The following MAP2K5 variants were observed in gnomAD, a reference collection of about 807,000 sequenced individuals.
MAP2K5 encodes dual specificity mitogen-activated protein kinase kinase 5.
In MAP2K5, 49 loss-of-function variants were observed where a neutral mutation model predicts 83.1. That is an observed-to-expected ratio of 0.59 (90% confidence interval 0.47 to 0.75). The LOEUF is 0.75. MAP2K5 is among the 30% of genes least tolerant of loss of function. The pLI is 0.00. For synonymous variants in MAP2K5, 202 were observed against 191.8 expected, an observed-to-expected ratio of 1.05 and a Z score of -0.44; for missense variants, 457 against 557.5, an observed-to-expected ratio of 0.82 and a Z score of 1.82.
intron 21 of MAP2K5, among the ~76,000 whole-genome samples, chr15:67,796,248 A>G (rs988614415): frequency 6.6e-6 from 1 of 151,680 alleles, no homozygotes; most frequent in African/African-American, 2.4e-5. Context: ...TTCTTTGTCC[A>G]TTGTATTGCA....
At chr15:67,762,351 C>A (rs1442428789) in intron 19 of MAP2K5, among the ~76,000 whole-genome samples, 2 of 152,016 alleles carry the variant, frequency 1.3e-5, no homozygotes, top group Non-Finnish European at 2.9e-5. Context: ...AACTGCTGTG[C>A]ACTATGGCTG....
intron 1 of MAP2K5, among the ~76,000 whole-genome samples, chr15:67,545,527 T>A (rs1302800191): frequency 6.6e-6 from 1 of 152,232 alleles, no homozygotes; most frequent in East Asian, 1.9e-4. Context: ...CCTCAAAGAC[T>A]TGGAAAGATT....
chr15:67,806,387 G>A (rs565501016), intron 21 of MAP2K5, among the ~76,000 whole-genome samples: 1 of 152,312 alleles, frequency 6.6e-6, no homozygotes, highest in African/African-American at 2.4e-5. Context: ...CCAGGCTAGT[G>A]CGAGCCTCAG....
At chr15:67,696,247 C>T (rs2088255015) in intron 15 of MAP2K5, among the ~76,000 whole-genome samples, 1 of 151,448 alleles carries the variant, frequency 6.6e-6, no homozygotes, top group African/African-American at 2.4e-5. Flanking sequence ...AGGCCAAATT[C>T]AATTTACTGG....
intron 12 of MAP2K5, among the ~76,000 whole-genome samples, chr15:67,663,465 T>C (rs1184852933): frequency 6.6e-6 from 1 of 152,216 alleles, no homozygotes; most frequent in Non-Finnish European, 1.5e-5. Context: ...TTTTTTTCAT[T>C]CAAGTTAAAT....
chr15:67,704,719 C>G (rs2088508217), intron 16 of MAP2K5, among the ~76,000 whole-genome samples: 1 of 152,190 alleles, frequency 6.6e-6, no homozygotes, highest in South Asian at 2.1e-4. Flanking sequence ...AGTCTCCCAA[C>G]AGAATCCACA....
rs1256063398 is a variant in MAP2K5, at chr15:67,664,658, C to G, written c.847+13C>G. On this transcript the variant is annotated intron_variant, in intron 13 of 21. Coordinates refer to ENST00000178640, the MANE Select transcript of MAP2K5 (RefSeq NM_145160.3). Reference sequence around the variant, plus strand: ...ATTTTACATAGAGGTATGTGCTGGGCTTATAAGCTTGGATTTAATTTGGGG... The same window carrying G: ...ATTTTACATAGAGGTATGTGCTGGGGTTATAAGCTTGGATTTAATTTGGGG... 3.8e-6 allele frequency: 6 copies of G among 1,589,400 alleles called. No homozygotes were observed. Among genetic ancestry groups the G allele is most frequent in the Non-Finnish European group, 5.2e-6 (6 of 1,159,668 alleles).
rs1050732265 is a variant in MAP2K5 at position 67,584,033 on chromosome 15, G to A, written c.323-1857G>A. On this transcript the variant is annotated intron_variant, in intron 4 of 21. Transcript: ENST00000178640. ...CCAAGTGCTGGGATGAAAGGCATGA[G>A]CCACCATGCCTGGCCATAATTCTGA... Among the ~76,000 whole-genome samples the A allele has an allele frequency of 5.3e-5, 8 of 152,240 alleles. No individual in the cohort carries two copies. In the South Asian group the frequency reaches 1.0e-3, roughly 20 times the overall value.
chr15:67,763,908 T>A (rs2089996944), intron 19 of MAP2K5, among the ~76,000 whole-genome samples: 1 of 152,172 alleles, frequency 6.6e-6, no homozygotes, highest in African/African-American at 2.4e-5. Context: ...TCCCAGTGCC[T>A]AAGAGTAGAC....
At chr15:67,550,804 C>A (rs2084494422) in intron 2 of MAP2K5, among the ~76,000 whole-genome samples, 1 of 145,920 alleles carries the variant, frequency 6.9e-6, no homozygotes, top group East Asian at 2.0e-4. Context: ...CAGACTCTCA[C>A]TGTGTTGCCC....
chr15:67,620,293 C>T (rs2086152943), intron 8 of MAP2K5, among the ~76,000 whole-genome samples: 1 of 152,166 alleles, frequency 6.6e-6, no homozygotes, highest in Non-Finnish European at 1.5e-5. Flanking sequence ...ATCGCTTGAA[C>T]CTGGGAGGCA....
At chr15:67,765,794 T>C (rs757958965) in intron 19 of MAP2K5, among the ~76,000 whole-genome samples, 2 of 152,178 alleles carry the variant, frequency 1.3e-5, no homozygotes, top group African/African-American at 2.4e-5. Flanking sequence ...CTTGCCTTTT[T>C]TTATGCCTGA....
Position 67,630,820 on chromosome 15 carries a change from T to G in MAP2K5, c.546-68T>G, listed in dbSNP as rs929597441. The stretch of plus-strand genomic sequence containing the variant: ...CTGCAGAAATGTTTGGATTTACATT[T>G]ATGTCCTTAACCATTTTGTAGGTTG... On this transcript the variant is annotated intron_variant, in intron 8 of 21. Coordinates refer to ENST00000178640, the MANE Select transcript of MAP2K5 (RefSeq NM_145160.3). 3 of 1,135,660 alleles carry G rather than the reference T, an allele frequency of 2.6e-6. No individual in the cohort carries two copies. The African/African-American group carries it at 4.6e-5, about 17-fold the overall frequency. 70.3% of individuals were successfully genotyped at this position (1,135,660 alleles called of 1,614,324 possible). A position where few individuals can be genotyped will look rare whatever the true frequency, so the allele number is the denominator to read the frequency against.
intron 12 of MAP2K5, among the ~76,000 whole-genome samples, chr15:67,661,481 A>G (rs1024532338): frequency 6.6e-6 from 1 of 152,134 alleles, no homozygotes; most frequent in African/African-American, 2.4e-5. Context: ...AACCCAGCCT[A>G]CTGAATACCA....
chr15:67,769,715 T>G lies in MAP2K5; in HGVS notation c.1196+52T>G. 6.3e-7 allele frequency: 1 copy of G among 1,577,098 alleles called. No homozygotes were observed. Among genetic ancestry groups the G allele is most frequent in the African/African-American group, 1.3e-5 (1 of 74,298 alleles). ...CCCTCAATGTAAATGATACATGCCA[T>G]TAACTCGGCAGCTCCGTGAGACCTT... On this transcript the variant is annotated intron_variant, in intron 20 of 21. Transcript: ENST00000178640. This position sits in a 1 kb window ranked among gnomAD's most constrained non-coding sequence, Gnocchi z 5.2.
intron 9 of MAP2K5, among the ~76,000 whole-genome samples, chr15:67,639,560 G>A (rs776500709): frequency 9.2e-5 from 14 of 152,166 alleles, no homozygotes; most frequent in Admixed American, 2.6e-4. Context: ...CCCTGCCGGC[G>A]CTGCTCACTG....
intron 2 of MAP2K5, among the ~76,000 whole-genome samples, chr15:67,554,890 G>T (rs1309805883): frequency 6.6e-6 from 1 of 152,196 alleles, no homozygotes; most frequent in Non-Finnish European, 1.5e-5. Flanking sequence ...TGGATTATTT[G>T]TGTTATAGCC....
At chr15:67,675,070 G>A (rs1250171677) in intron 13 of MAP2K5, among the ~76,000 whole-genome samples, 2 of 152,092 alleles carry the variant, frequency 1.3e-5, no homozygotes, top group Non-Finnish European at 2.9e-5. Flanking sequence ...TGCCACTACC[G>A]TATGACCCAG....
At chr15:67,547,077 A>AACCCACACAC (rs1555524640) in intron 1 of MAP2K5, among the ~76,000 whole-genome samples, 1 of 144,092 alleles carries the variant, frequency 6.9e-6, no homozygotes, top group African/African-American at 2.6e-5. Context: ...AAAAGAAGAA[A>AACCCACACAC]ACACACACAC....
Sources: allele counts gnomAD v4.1 joint callset (sites outside exome capture counted in the v4.1 genomes callset), GRCh38; gene constraint gnomAD v4.1.1; non-coding constraint Gnocchi (gnomAD v3.1); transcripts MANE v1.5; gene names NCBI Gene and HGNC (gene_info 2026-07-23, HGNC 2026-07-21).